LMF1: variants seen among roughly 807,000 people sequenced by gnomAD.
The protein encoded by LMF1 is transmembrane protein 112.
In LMF1, 68 loss-of-function variants were observed where a neutral mutation model predicts 60.6. The observed-to-expected ratio is 1.12, with a 90% CI of 0.92 to 1.37. LMF1 has a LOEUF of 1.37. Among genes scored for constraint, LMF1 ranks in the 40% most tolerant of loss-of-function variants. The pLI, the probability that LMF1 is intolerant of heterozygous loss-of-function variation, is 0.00. For synonymous variants in LMF1, 418 were observed against 324.7 expected, an observed-to-expected ratio of 1.29 and a Z score of -3.09; for missense variants, 948 against 767.2, an observed-to-expected ratio of 1.24 and a Z score of -2.78.
intron 3 of LMF1, 172 bp downstream of exon 3, chr16:934,072 G>T: frequency 6.6e-7 from 1 of 1,518,762 alleles, no homozygotes; most frequent in East Asian, 2.5e-5. Context: ...CCCACATCCA[G>T]GGAGGAGGCA....
At chr16:981,299 TGTGTGAGAGAGAGAGAGAGAGAGAGA>T (rs1290760589), upstream of LMF1, 8 of 379,648 alleles carry the variant, frequency 2.1e-5, no homozygotes, top group East Asian at 5.3e-4. Flanking sequence ...TGTGTGTGTG[TGTGTGAGAGAGAGAGAGAGAGAGAGA>T]GAGAGAGAGA....
chr16:863,950 T>C (rs979469916), intron 10 of LMF1, among the ~76,000 whole-genome samples: 5 of 152,260 alleles, frequency 3.3e-5, no homozygotes. Context: ...GCATATTCTA[T>C]AAACATCATT....
intron 6 of LMF1, among the ~76,000 whole-genome samples, chr16:875,835 A>T (rs1271078393): frequency 6.6e-6 from 1 of 152,098 alleles, no homozygotes; most frequent in African/African-American, 2.4e-5. Context: ...CCCACGCAGG[A>T]GGTGTGTGGG....
chr16:954,744 G>T, intron 1 of LMF1, 78 bp from the exon 2 acceptor site: 1 of 1,370,528 alleles, frequency 7.3e-7, no homozygotes, highest in South Asian at 1.4e-5. Context: ...CTCAGAATGC[G>T]GGGCGAGGCA....
In LMF1 at chr16:854,084, G is replaced by T. The variant is rs770358287; in HGVS notation, c.*448C>A. ...AGACGTGACAGGGACTTGGCTCTGA[G>T]GGTCAGGACCTGGCTGGGAACACAC... is the stretch of plus-strand genomic sequence containing the variant. On this transcript the variant is annotated 3_prime_UTR_variant, in exon 11 of 11. Transcript: ENST00000262301. 2.0e-5 allele frequency: 9 copies of T among 456,924 alleles called. No individual in the cohort carries two copies. The highest frequency in any genetic ancestry group is 8.0e-5 in the African/African-American group (4 of 50,140). The allele number at this position is 456,924 out of a possible 1,614,324, so 28.3% of individuals were successfully genotyped here.
At chr16:881,429 C>G (rs938607031) in intron 5 of LMF1, 1 of 152,252 alleles carries the variant, frequency 6.6e-6, no homozygotes, top group Non-Finnish European at 1.5e-5. Context: ...ACACTCAGCC[C>G]GCGGCCAGGG....
rs978107802 is a variant in LMF1, at chr16:962,693, G to A, written c.194-8027C>T. Reference sequence around the variant, plus strand: ...CTGTCAAGGTCGGAATCCTGCACAGGAAAGTCTGGGAGACTCACAGACCAG... The same window carrying A: ...CTGTCAAGGTCGGAATCCTGCACAGAAAAGTCTGGGAGACTCACAGACCAG... On this transcript the variant is annotated intron_variant, in intron 1 of 10. Coordinates refer to ENST00000262301, the MANE Select transcript of LMF1 (RefSeq NM_022773.4). The surrounding 1 kb of genome is among the most constrained non-coding windows in gnomAD (Gnocchi z 4.5). Among the ~76,000 whole-genome samples the A allele has an allele frequency of 6.6e-6, 1 of 152,196 alleles. No homozygotes were observed. The highest frequency in any genetic ancestry group is 6.5e-5 in the Admixed American group (1 of 15,280).
chr16:878,877 G>GA lies in LMF1; in HGVS notation c.897+692dup, dbSNP rs1425640260. On this transcript the variant is annotated intron_variant, in intron 6 of 10. Coordinates refer to ENST00000262301, the MANE Select transcript of LMF1 (RefSeq NM_022773.4). This position sits in a 1 kb window ranked among gnomAD's most constrained non-coding sequence, Gnocchi z 5.2. Reference sequence around the variant, plus strand: ...ATGTTACACCTCCATTGAAACAATCGAGAGAGAGAACCACCTTTAAAATCC... The same window carrying GA: ...ATGTTACACCTCCATTGAAACAATCGAAGAGAGAGAACCACCTTTAAAATCC... Among the ~76,000 whole-genome samples the GA allele has an allele frequency of 1.4e-4, 21 of 152,282 alleles. No individual in the cohort carries two copies. Among genetic ancestry groups the GA allele is most frequent in the African/African-American group, 4.8e-4 (20 of 41,554 alleles).
chr16:886,492 C>A (rs2070310914), intron 5 of LMF1, among the ~76,000 whole-genome samples: 1 of 152,134 alleles, frequency 6.6e-6, no homozygotes, highest in South Asian at 2.1e-4. Flanking sequence ...GCCAAAACCA[C>A]CCTGCAGCGG....
chr16:967,328 C>T (rs936465120), intron 1 of LMF1, among the ~76,000 whole-genome samples: 7 of 152,240 alleles, frequency 4.6e-5, no homozygotes, highest in East Asian at 3.8e-4. Context: ...CGGGCCACAA[C>T]GTCGACGCAC....
In LMF1 at chr16:864,888, C is replaced by T. The variant is rs536815074; in HGVS notation, c.1529+4056G>A. 2.0e-5 allele frequency among the ~76,000 whole-genome samples: 3 copies of T among 152,272 alleles called. No individual in the cohort carries two copies. In the South Asian group the frequency reaches 6.2e-4, roughly 32 times the overall value. On this transcript the variant is annotated intron_variant, in intron 10 of 10. Coordinates refer to ENST00000262301, the MANE Select transcript of LMF1 (RefSeq NM_022773.4). Reference sequence around the variant, plus strand: ...TACACCTGCCTCAGCTCCCAAAGTGCTGACATTACAGGAGTGAGCCACTGC... The same window carrying T: ...TACACCTGCCTCAGCTCCCAAAGTGTTGACATTACAGGAGTGAGCCACTGC...
At chr16:971,108 C>T (rs746644546), upstream of LMF1, 66 of 1,003,928 alleles carry the variant, frequency 6.6e-5, no homozygotes, top group Non-Finnish European at 8.4e-5. Flanking sequence ...CGGGAGGCCC[C>T]GCTCACAGTC....
At chr16:887,260 G>A (rs1344269721) in intron 5 of LMF1, 1 of 152,370 alleles carries the variant, frequency 6.6e-6, no homozygotes, top group African/African-American at 2.4e-5. Context: ...GAGCTTCCCT[G>A]TTGGGAGTCA....
chr16:889,230 C>CT (rs2070403636), intron 5 of LMF1, among the ~76,000 whole-genome samples: 1 of 152,254 alleles, frequency 6.6e-6, no homozygotes, highest in Non-Finnish European at 1.5e-5. Context: ...CTCCAGGGGG[C>CT]TGGCCCCTTC....
intron 2 of LMF1, among the ~76,000 whole-genome samples, chr16:944,181 G>A (rs1477897176): frequency 1.3e-5 from 2 of 151,794 alleles, no homozygotes; most frequent in African/African-American, 4.8e-5. Context: ...TGATGGGGAG[G>A]CTTGTCTCCC....
At chr16:935,562 C>A (rs1009221461) in intron 2 of LMF1, among the ~76,000 whole-genome samples, 14 of 127,052 alleles carry the variant, frequency 1.1e-4, no homozygotes, top group Middle Eastern at 7.9e-3. Context: ...CTAGTGACAG[C>A]TGATGAGCTA....
chr16:958,304 C>T (rs1045947036), intron 1 of LMF1, among the ~76,000 whole-genome samples: 1 of 152,084 alleles, frequency 6.6e-6, no homozygotes, highest in East Asian at 1.9e-4. Context: ...AATGAAAACA[C>T]AAGCCGCAGA....
chr16:930,227 A>G (rs1236828826), intron 3 of LMF1, among the ~76,000 whole-genome samples: 2 of 139,400 alleles, frequency 1.4e-5, no homozygotes, highest in East Asian at 2.1e-4. Flanking sequence ...GCCCTGGGAC[A>G]CAGAGCCCAG....
rs186481299 is a variant in LMF1, at chr16:910,528, G to A, written c.663+403C>T. On this transcript the variant is annotated intron_variant, in intron 4 of 10. Transcript: ENST00000262301. ...CTCACCCTTGAATATGTCTGCCAAC[G>A]CGCCCACCATGGCCTGAGACTCTGT... 6.6e-5 allele frequency among the ~76,000 whole-genome samples: 10 copies of A among 152,324 alleles called. No homozygotes were observed. The East Asian group carries it at 7.7e-4, about 12-fold the overall frequency.
Sources: gnomAD v4.1 joint callset for allele counts (sites outside exome capture counted in the v4.1 genomes callset) on GRCh38, gnomAD v4.1.1 for gene constraint, Gnocchi (gnomAD v3.1) non-coding constraint, MANE v1.5 for transcripts, NCBI Gene and HGNC (gene_info 2026-07-23, HGNC 2026-07-21) for gene names.